ACSM3: variants seen among roughly 807,000 people sequenced by gnomAD.
The protein encoded by ACSM3 is acyl-CoA synthetase medium chain family member 3.
A neutral mutation model predicts 74.1 loss-of-function variants in ACSM3; 61 were observed. The observed-to-expected ratio is 0.82, with a 90% CI of 0.67 to 1.02. The LOEUF is 1.02. Ranked by LOEUF, ACSM3 falls within the 50% of genes least tolerant of loss-of-function variation. The pLI, the probability that ACSM3 is intolerant of heterozygous loss-of-function variation, is 0.00. For missense variants in ACSM3, 660 were observed against 697.0 expected, an observed-to-expected ratio of 0.95 and a Z score of 0.60; for synonymous variants, 213 against 241.5, an observed-to-expected ratio of 0.88 and a Z score of 1.09.
Position 20,769,943 on chromosome 16 carries a change from A to G in ACSM3, c.-51-41A>G, listed in dbSNP as rs73535143. Reference sequence around the variant, plus strand: ...GCCACTTTGGGGTATGGCTACCTTCAGGACAGAAACAAATATATGTCCTTT... The same window carrying G: ...GCCACTTTGGGGTATGGCTACCTTCGGGACAGAAACAAATATATGTCCTTT... On this transcript the variant is annotated intron_variant, in intron 1 of 13. Coordinates refer to ENST00000289416, the MANE Select transcript of ACSM3 (RefSeq NM_005622.4). The G allele has an allele frequency of 3.6e-4, 482 of 1,335,680 alleles. 2 individuals carry two copies. In the African/African-American group the frequency reaches 5.7e-3, roughly 16 times the overall value. 82.7% of individuals were successfully genotyped at this position (1,335,680 alleles called of 1,614,324 possible). A position where few individuals can be genotyped will look rare whatever the true frequency, so the allele number is the denominator to read the frequency against.
intron 1 of ACSM3, among the ~76,000 whole-genome samples, chr16:20,744,998 T>C (rs1191498454): frequency 6.6e-6 from 1 of 152,202 alleles, no homozygotes; most frequent in Non-Finnish European, 1.5e-5. Flanking sequence ...ACCCTGTAGC[T>C]CTCAGTCTAG....
At chr16:20,741,762 A>G (rs1464976608) in intron 1 of ACSM3, 2 of 1,555,784 alleles carry the variant, frequency 1.3e-6, no homozygotes, top group Admixed American at 1.9e-5. Context: ...CTGAGAGGAA[A>G]GAGAAACGTT....
chr16:20,746,395 G>T (rs2079958301), intron 1 of ACSM3, among the ~76,000 whole-genome samples: 1 of 152,124 alleles, frequency 6.6e-6, no homozygotes. Flanking sequence ...TTTACTAAAA[G>T]CTGTTGAATC....
At chr16:20,685,917 C>T (rs1195441935) in intron 1 of ACSM3, among the ~76,000 whole-genome samples, 1 of 151,720 alleles carries the variant, frequency 6.6e-6, no homozygotes, top group Non-Finnish European at 1.5e-5. Context: ...GCCACCCTGC[C>T]TCAAGCCACA....
intron 1 of ACSM3, among the ~76,000 whole-genome samples, chr16:20,731,383 T>C (rs1358086623): frequency 6.6e-6 from 1 of 152,220 alleles, no homozygotes; most frequent in Non-Finnish European, 1.5e-5. Context: ...GTGTGACCTG[T>C]AAATAGAACT....
chr16:20,702,374 G>A (rs577650489), intron 1 of ACSM3, among the ~76,000 whole-genome samples: 11 of 152,246 alleles, frequency 7.2e-5, no homozygotes, highest in South Asian at 2.1e-4. Context: ...CACCATGCCC[G>A]GCTAATTTTT....
chr16:20,768,355 C>T (rs1338265651), intron 1 of ACSM3, among the ~76,000 whole-genome samples: 1 of 152,184 alleles, frequency 6.6e-6, no homozygotes, highest in Non-Finnish European at 1.5e-5. Context: ...TAGACTGGTG[C>T]TTTTCACACT....
chr16:20,796,605 G>C (rs2080729330), intron 13 of ACSM3, 116 bp downstream of exon 13: 3 of 1,544,308 alleles, frequency 1.9e-6, no homozygotes, highest in South Asian at 1.2e-5. Context: ...GTCCCAAACT[G>C]AACTGATGAC....
chr16:20,712,804 T>C (rs1390705210), intron 1 of ACSM3, among the ~76,000 whole-genome samples: 2 of 151,480 alleles, frequency 1.3e-5, no homozygotes, highest in South Asian at 2.1e-4. Context: ...TCATAGCTAC[T>C]TGGGAGGCTG....
chr16:20,678,008 G>C (rs958876335), intron 1 of ACSM3, among the ~76,000 whole-genome samples: 1 of 64,310 alleles, frequency 1.6e-5, no homozygotes, highest in Non-Finnish European at 2.6e-5. Context: ...AATACTAAAG[G>C]CTAAAATAAA....
chr16:20,786,045 AATGTT>A (rs1346539912), intron 8 of ACSM3, 28 bp from the exon 9 acceptor site: 1 of 1,400,438 alleles, frequency 7.1e-7, no homozygotes, highest in Non-Finnish European at 9.7e-7. Flanking sequence ...AGTGACTTGT[AATGTT>A]ATCTTACTTT....
intron 1 of ACSM3, among the ~76,000 whole-genome samples, chr16:20,719,609 T>G (rs12443968): frequency 0.012 from 1,837 of 152,326 alleles, 109 homozygotes; most frequent in Admixed American, 0.1. Flanking sequence ...TCCAGACTTC[T>G]GCTTCAAATA....
At chr16:20,683,715 C>CT (rs139237980) in intron 1 of ACSM3, among the ~76,000 whole-genome samples, 3 of 136,310 alleles carry the variant, frequency 2.2e-5, no homozygotes, top group Admixed American at 7.7e-5. Context: ...CTCTCTCTCT[C>CT]TCTTTCTTTC....
chr16:20,793,212 T>TAATC (rs897232348), intron 12 of ACSM3, among the ~76,000 whole-genome samples: 3 of 152,188 alleles, frequency 2.0e-5, no homozygotes, highest in Non-Finnish European at 4.4e-5. Context: ...CTCACACCTG[T>TAATC]AATCCTAGCA....
At chr16:20,770,867 GCAT>G (rs2080184701) in intron 2 of ACSM3, among the ~76,000 whole-genome samples, 1 of 152,188 alleles carries the variant, frequency 6.6e-6, no homozygotes, top group African/African-American at 2.4e-5. Flanking sequence ...TCCCAAACAT[GCAT>G]CATTTCTTTG....
intron 1 of ACSM3, among the ~76,000 whole-genome samples, chr16:20,712,892 G>A (rs1253113845): frequency 8.7e-5 from 13 of 148,690 alleles, no homozygotes; most frequent in Admixed American, 1.3e-4. Flanking sequence ...CAGCCCAGGC[G>A]ACAGAGCAAG....
chr16:20,783,222 C>T (rs1351947041), intron 7 of ACSM3: 1 of 152,114 alleles, frequency 6.6e-6, no homozygotes, highest in African/African-American at 2.4e-5. Flanking sequence ...AAACTAGAGT[C>T]AAAGGCAAAA....
chr16:20,711,737 A>C lies in ACSM3; in HGVS notation c.-190+36915A>C. On this transcript the variant is annotated intron_variant, in intron 1 of 3. Transcript: ENST00000561584. ...CAGCAACAACACAAATTATTGCTAC[A>C]TCTTGGAATATCTTTGCCTCCAAGG... 2 of 402,498 alleles carry C rather than the reference A, an allele frequency of 5.0e-6. 1 individual carries two copies. Among genetic ancestry groups the C allele is most frequent in the South Asian group, 4.3e-5 (2 of 46,818 alleles). The allele number at this position is 402,498 out of a possible 1,614,324, so 24.9% of individuals were successfully genotyped here.
chr16:20,686,092 T>C (rs973327471), intron 1 of ACSM3, among the ~76,000 whole-genome samples: 1 of 152,130 alleles, frequency 6.6e-6, no homozygotes, highest in Non-Finnish European at 1.5e-5. Context: ...AAAGTTTAAA[T>C]AAGTTATTTA....
Sources: gnomAD v4.1 joint callset for allele counts (sites outside exome capture counted in the v4.1 genomes callset) on GRCh38, gnomAD v4.1.1 for gene constraint, MANE v1.5 for transcripts, NCBI Gene and HGNC (gene_info 2026-07-23, HGNC 2026-07-21) for gene names.